SPATA13: variants seen among roughly 807,000 people sequenced by gnomAD.
SPATA13 encodes spermatogenesis associated 13, also known as spermatogenesis-associated protein 13.
Under a neutral mutation model 104.0 loss-of-function variants are expected in SPATA13, and 50 were observed. That is an observed-to-expected ratio of 0.48 (90% CI 0.38 to 0.61). The LOEUF (loss-of-function observed/expected upper bound fraction) is 0.61. Among genes scored for constraint, SPATA13 ranks in the 20% least tolerant of loss-of-function variants. The pLI is 0.00. For missense variants in SPATA13, 1,524 were observed against 1,690.6 expected, an observed-to-expected ratio of 0.90 and a Z score of 1.73; for synonymous variants, 606 against 667.5, an observed-to-expected ratio of 0.91 and a Z score of 1.42.
upstream of SPATA13, among the ~76,000 whole-genome samples, chr13:24,157,279 A>G (rs1056647912): frequency 6.1e-5 from 8 of 130,990 alleles, no homozygotes; most frequent in African/African-American, 2.0e-4. Context: ...CAGTCAGGTA[A>G]CTCCTTTTTC....
intron 4 of SPATA13, among the ~76,000 whole-genome samples, chr13:24,268,826 G>A (rs574067397): frequency 1.6e-4 from 24 of 152,270 alleles, no homozygotes; most frequent in African/African-American, 4.6e-4. Flanking sequence ...TTGTGTGATC[G>A]TGTGTGTTTT....
chr13:24,176,628 G>A (rs2138515859), intron 1 of SPATA13, among the ~76,000 whole-genome samples: 1 of 152,090 alleles, frequency 6.6e-6, no homozygotes, highest in South Asian at 2.1e-4. Flanking sequence ...CCCTCAGTCA[G>A]CCTTCTTTCT....
At chr13:24,265,157 G>A (rs1316799912) in intron 4 of SPATA13, among the ~76,000 whole-genome samples, 1 of 152,190 alleles carries the variant, frequency 6.6e-6, no homozygotes, top group Non-Finnish European at 1.5e-5. Context: ...AGCTGTGTAT[G>A]ATGGGGCCCG....
At chr13:24,084,092 G>A (rs1879636094) in intron 3 of SPATA13, among the ~76,000 whole-genome samples, 1 of 150,704 alleles carries the variant, frequency 6.6e-6, no homozygotes, top group Non-Finnish European at 1.5e-5. Flanking sequence ...AAAGAGAAAG[G>A]GGGAGAAAGA....
intron 1 of SPATA13, among the ~76,000 whole-genome samples, chr13:24,165,316 A>G (rs2138494213): frequency 6.6e-6 from 1 of 152,274 alleles, no homozygotes; most frequent in Non-Finnish European, 1.5e-5. Context: ...AAGACCCACC[A>G]GCATCCATCT....
intron 3 of SPATA13, among the ~76,000 whole-genome samples, chr13:24,037,130 C>G (rs952967049): frequency 5.0e-5 from 7 of 141,404 alleles, no homozygotes; most frequent in Non-Finnish European, 1.1e-4. Context: ...TTTAATTAAG[C>G]TAATTGAAAA....
intron 2 of SPATA13, among the ~76,000 whole-genome samples, chr13:24,002,553 G>A (rs187865727): frequency 3.9e-5 from 6 of 152,234 alleles, no homozygotes; most frequent in African/African-American, 1.4e-4. Flanking sequence ...GGCCTGGTCA[G>A]GGGGGTGAGT....
At chr13:24,291,075 A>C (rs1876318102) in intron 9 of SPATA13, among the ~76,000 whole-genome samples, 191 bp downstream of exon 9, 1 of 152,240 alleles carries the variant, frequency 6.6e-6, no homozygotes, top group African/African-American at 2.4e-5. Flanking sequence ...AAGAGCCTCC[A>C]GGATATCCAG....
At chr13:24,024,866 C>T (rs1314133573) in intron 3 of SPATA13, among the ~76,000 whole-genome samples, 1 of 151,162 alleles carries the variant, frequency 6.6e-6, no homozygotes, top group African/African-American at 2.4e-5. Flanking sequence ...GATTCCAGCC[C>T]TGGGTAACAT....
At chr13:24,162,341 C>T (rs536523894) in intron 1 of SPATA13, 104 of 154,282 alleles carry the variant, frequency 6.7e-4, no homozygotes, top group African/African-American at 2.4e-3. Context: ...CAGCCTGCCC[C>T]GCCTGGAGGG....
chr13:24,044,990 C>T (rs1321917326), intron 3 of SPATA13, among the ~76,000 whole-genome samples: 1 of 152,016 alleles, frequency 6.6e-6, no homozygotes, highest in African/African-American at 2.4e-5. Context: ...AAATTCAAAC[C>T]CTCCCTTTCT....
chr13:24,035,787 G>T (rs1452185563), intron 3 of SPATA13, among the ~76,000 whole-genome samples: 1 of 152,152 alleles, frequency 6.6e-6, no homozygotes, highest in Non-Finnish European at 1.5e-5. Flanking sequence ...GCCAAGGCGG[G>T]TGGATCACTT....
At chr13:24,081,152 T>C (rs900759060) in intron 3 of SPATA13, among the ~76,000 whole-genome samples, 4 of 152,216 alleles carry the variant, frequency 2.6e-5, no homozygotes, top group African/African-American at 4.8e-5. Flanking sequence ...CTCCATTTTG[T>C]CCTTGCTGTT....
intron 8 of SPATA13, among the ~76,000 whole-genome samples, chr13:24,289,899 T>TA (rs1471460349): frequency 6.6e-6 from 1 of 152,182 alleles, no homozygotes; most frequent in East Asian, 1.9e-4. Flanking sequence ...GGTGCTGGGC[T>TA]CAGTAGCTGT....
chr13:24,197,763 T>TA (rs1313145191), intron 1 of SPATA13, among the ~76,000 whole-genome samples: 4 of 152,112 alleles, frequency 2.6e-5, no homozygotes, highest in African/African-American at 9.7e-5. Flanking sequence ...TGACTAATTT[T>TA]AAAAAATATG....
At chr13:24,122,436 T>TTCA in intron 3 of SPATA13, 15 of 1,598,252 alleles carry the variant, frequency 9.4e-6, no homozygotes, top group Non-Finnish European at 1.3e-5. Flanking sequence ...CTTACCAGTC[T>TTCA]TCATCGTCTC....
At chr13:24,239,868 A>G (rs1593451462) in intron 2 of SPATA13, among the ~76,000 whole-genome samples, 1 of 151,932 alleles carries the variant, frequency 6.6e-6, no homozygotes. Flanking sequence ...ATTGAAAATA[A>G]TAAGTTTGAA....
chr13:24,261,417 T>C (rs1376385553), intron 4 of SPATA13, among the ~76,000 whole-genome samples: 1 of 152,106 alleles, frequency 6.6e-6, no homozygotes, highest in Admixed American at 6.5e-5. Flanking sequence ...GACATCACCA[T>C]ATCCTTGATT....
chr13:24,250,321 T>C (rs1873410784), intron 3 of SPATA13, among the ~76,000 whole-genome samples: 1 of 152,226 alleles, frequency 6.6e-6, no homozygotes, highest in African/African-American at 2.4e-5. Context: ...GTTGCAACTT[T>C]GCAACTATTA....
Sources: allele counts gnomAD v4.1 joint callset (sites outside exome capture counted in the v4.1 genomes callset), GRCh38; gene constraint gnomAD v4.1.1; transcripts MANE v1.5; gene names NCBI Gene and HGNC (gene_info 2026-07-23, HGNC 2026-07-21).